Variants in CSPG4 observed in about 807,000 individuals in gnomAD.
CSPG4 encodes the protein chondroitin sulfate proteoglycan 4.
In CSPG4, 74 loss-of-function variants were observed where a neutral mutation model predicts 139.3. The ratio of observed to expected loss-of-function variants is 0.53; its 90% CI spans 0.44 to 0.64. CSPG4 has a LOEUF of 0.64. Ranked by LOEUF, CSPG4 falls within the 30% of genes least tolerant of loss-of-function variation. The pLI, the probability that CSPG4 is intolerant of heterozygous loss-of-function variation, is 0.00. For synonymous variants in CSPG4, 1,234 were observed against 1,394.2 expected (o/e 0.89, Z 2.56); for missense variants, 2,565 against 3,148.3 (o/e 0.81, Z 4.43).
rs767839720 is a variant in CSPG4 at position 75,676,469 on chromosome 15, A to G, written c.6050T>C (p.Phe2017Ser). The change falls in exon 10 of 10, where the codon TTC becomes TCC. Residue 2017 changes from phenylalanine (F) to serine (S), a missense_variant. Phe to Ser is a radical substitution (Grantham distance 155, BLOSUM62 -2). Around this residue, in one of 5 missense-constraint regions of CSPG4, gnomAD observed 2,316 missense variants for 2,818.2 expected, o/e 0.82. Transcript: ENST00000308508. ...QGEVVFAFTN[F>S]SSSHDHFRVL... Reference sequence around the variant, plus strand: ...TCTGAAGTGGTCATGAGAGGAGGAGAAGTTGGTGAAGGCAAAGACCACCTC... The same window carrying G: ...TCTGAAGTGGTCATGAGAGGAGGAGGAGTTGGTGAAGGCAAAGACCACCTC... The G allele has an allele frequency of 1.9e-6, 3 of 1,613,816 alleles. No individual in the cohort carries two copies. The highest frequency in any genetic ancestry group is 2.5e-6 in the Non-Finnish European group (3 of 1,179,950).
At chr15:75,692,591 A>G (rs11072556) in intron 2 of CSPG4, among the ~76,000 whole-genome samples, 66,124 of 151,886 alleles carry the variant, frequency 0.44, 13,730 homozygotes, top group Middle Eastern at 0.53. Flanking sequence ...TGGACAGACC[A>G]TGGTGCTGCA....
At chr15:75,701,147 T>C (rs535575208) in intron 1 of CSPG4, among the ~76,000 whole-genome samples, 21 of 152,276 alleles carry the variant, frequency 1.4e-4, no homozygotes, top group African/African-American at 5.1e-4. Context: ...GTGGGTACAG[T>C]AGAGCCACCT....
Position 75,676,213 on chromosome 15 carries a change from C to T in CSPG4, c.6306G>A (p.Thr2102=), listed in dbSNP as rs200385917. The T allele has an allele frequency of 5.2e-5, 81 of 1,551,388 alleles. 1 individual carries two copies. The East Asian group carries it at 1.5e-3, about 29-fold the overall frequency. Reference sequence around the variant, plus strand: ...CCACCAGCTGGCTGCCCCCGGGCTCCGTCCTGGCTCGGGGCACGCGGACCA... The same window carrying T: ...CCACCAGCTGGCTGCCCCCGGGCTCTGTCCTGGCTCGGGGCACGCGGACCA... ...GRVVRVPRAR[T]EPGGSQLVEQ... is the part of the protein sequence containing the mutation. The change falls in exon 10 of 10, where the codon ACG becomes ACA. Residue 2102 remains threonine, a synonymous_variant. Transcript: ENST00000308508.
intron 9 of CSPG4, 128 bp downstream of exon 9, chr15:75,677,575 C>T: frequency 2.4e-6 from 3 of 1,253,692 alleles, no homozygotes; most frequent in South Asian, 1.5e-5. Context: ...TCCCCACTCA[C>T]CCTCCCTGTG....
chr15:75,682,778 C>T (rs781174070), intron 6 of CSPG4, 37 bp from the exon 7 acceptor site: 70 of 1,608,084 alleles, frequency 4.4e-5, no homozygotes, highest in Non-Finnish European at 5.3e-5. Context: ...TGGCCCGAGC[C>T]GGCTCCCCAT....
At chr15:75,708,223 C>A in intron 1 of CSPG4, among the ~76,000 whole-genome samples, 1 of 110,178 alleles carries the variant, frequency 9.1e-6, no homozygotes, top group Non-Finnish European at 1.9e-5. Context: ...GCTGGCAGAG[C>A]CAGCGGCCTC....
chr15:75,682,393 A>G lies in CSPG4; in HGVS notation c.4850T>C (p.Leu1617Pro), dbSNP rs767261462. 2 of 1,596,430 alleles carry G rather than the reference A, an allele frequency of 1.3e-6. No individual in the cohort carries two copies. The highest frequency in any genetic ancestry group is 1.7e-6 in the Non-Finnish European group (2 of 1,179,492). The part of the protein sequence containing the change: ...ASSSAGTDPQ[L>P]LLYRVVRGPQ... ...GCCCCGCACCACACGGTAGAGCAGG[A>G]GCTGGGGGTCAGTGCCTGCGCTGGA... The change falls in exon 8 of 10, where the codon CTC becomes CCC. Residue 1617 changes from leucine (L) to proline (P), a missense_variant. Leu to Pro is a moderately conservative substitution (Grantham distance 98). Around this residue, in one of 5 missense-constraint regions of CSPG4, gnomAD observed 2,316 missense variants for 2,818.2 expected, o/e 0.82. Coordinates refer to ENST00000308508, the MANE Select transcript of CSPG4 (RefSeq NM_001897.5).
intron 1 of CSPG4, among the ~76,000 whole-genome samples, chr15:75,704,907 C>G (rs1023306687): frequency 6.6e-6 from 1 of 152,216 alleles, no homozygotes; most frequent in Non-Finnish European, 1.5e-5. Context: ...TCCCACGTCC[C>G]TGGGCCCTGG....
intron 1 of CSPG4, among the ~76,000 whole-genome samples, chr15:75,693,661 G>A (rs1894192901): frequency 6.6e-6 from 1 of 152,228 alleles, no homozygotes; most frequent in Admixed American, 6.5e-5. Flanking sequence ...AAGGAATGGA[G>A]TTTCTGGAGA....
At chr15:75,709,840 G>T (rs1312624999) in intron 1 of CSPG4, among the ~76,000 whole-genome samples, 2 of 152,042 alleles carry the variant, frequency 1.3e-5, no homozygotes, top group Non-Finnish European at 2.9e-5. Flanking sequence ...GGCCCTTCTT[G>T]TCCTGCCCGG....
chr15:75,700,742 G>C (rs960709608), intron 1 of CSPG4, among the ~76,000 whole-genome samples: 1 of 152,158 alleles, frequency 6.6e-6, no homozygotes, highest in African/African-American at 2.4e-5. Context: ...GCGTCTCGGG[G>C]CTTCCCCAGC....
At chr15:75,702,264 T>C (rs1411419417) in intron 1 of CSPG4, among the ~76,000 whole-genome samples, 3 of 152,360 alleles carry the variant, frequency 2.0e-5, no homozygotes, top group African/African-American at 2.4e-5. Flanking sequence ...ACTGACTCCG[T>C]GCACACCTAG....
chr15:75,697,052 C>T (rs973104071), intron 1 of CSPG4, among the ~76,000 whole-genome samples: 1 of 152,210 alleles, frequency 6.6e-6, no homozygotes, highest in Non-Finnish European at 1.5e-5. Flanking sequence ...CCCATCAGGC[C>T]CGCCTCCCCC....
At chr15:75,686,144 G>C (rs571047724) in intron 3 of CSPG4, among the ~76,000 whole-genome samples, 3 of 152,190 alleles carry the variant, frequency 2.0e-5, no homozygotes, top group Non-Finnish European at 4.4e-5. Flanking sequence ...ACGGTTGCAG[G>C]GGGTCGGTCA....
chr15:75,688,251 C>A lies in CSPG4; in HGVS notation c.2814G>T (p.Glu938Asp). 1 of 1,612,926 alleles carries A rather than the reference C, an allele frequency of 6.2e-7. No homozygotes were observed. The highest frequency in any genetic ancestry group is 2.2e-5 in the East Asian group (1 of 44,886). Residue 938 changes from glutamate (E) to aspartate (D), a missense_variant, in exon 3 of 10, where the codon GAG becomes GAT. Coordinates refer to ENST00000308508, the MANE Select transcript of CSPG4 (RefSeq NM_001897.5). ...AAGCCAACCTCCCATGGCGGGGCCG[C>A]TCCATGACCTCATAGAGGTAGCTGG... ...NSASYLYEVM[E>D]RPRHGRLAWR...
At chr15:75,678,024 T>C in intron 8 of CSPG4, 138 bp from the exon 9 acceptor site, 1 of 715,952 alleles carries the variant, frequency 1.4e-6, no homozygotes, top group Non-Finnish European at 2.2e-6. Flanking sequence ...GCTGTCTCCC[T>C]CACTAACTCA....
In CSPG4 at chr15:75,676,912, C is replaced by G. The variant is rs1221127159; in HGVS notation, c.5607G>C (p.Glu1869Asp). The G allele has an allele frequency of 1.3e-6, 2 of 1,571,904 alleles. No individual in the cohort carries two copies. The highest frequency in any genetic ancestry group is 1.7e-6 in the Non-Finnish European group (2 of 1,159,590). The change falls in exon 10 of 10, where the codon GAG becomes GAC. Residue 1869 changes from glutamate (E) to aspartate (D), a missense_variant. Physicochemically the swap from Glu to Asp is conservative, Grantham distance 45. Coordinates refer to ENST00000308508, the MANE Select transcript of CSPG4 (RefSeq NM_001897.5). ...TGTGGGGTGCCCGCTGGACCTCGTA[C>G]TCAATCTCCCCAGGAGCTGAGTCTG... ...VDPDSAPGEI[E>D]YEVQRAPHNG...
Position 75,710,019 on chromosome 15 carries a change from C to T in CSPG4, c.88+2649G>A, listed in dbSNP as rs376143604. Among the ~76,000 whole-genome samples the T allele has an allele frequency of 4.2e-4, 64 of 152,004 alleles. No individual in the cohort carries two copies. The East Asian group carries it at 8.0e-3, about 19-fold the overall frequency. ...GCTCAGTGCCTGTCCCGAGCACCAT[C>T]GGTCCCCCCAAGCCATCCTCAGAGG... On this transcript the variant is annotated intron_variant, in intron 1 of 9. Transcript: ENST00000308508.
rs998658047 is a variant in CSPG4, at chr15:75,702,581, C to G, written c.89-9348G>C. On this transcript the variant is annotated intron_variant, in intron 1 of 9. Coordinates refer to ENST00000308508, the MANE Select transcript of CSPG4 (RefSeq NM_001897.5). ...CAGTGGGAGGGGCTGCCTCTGGGAG[C>G]TCGCCCCAGCCCTCCCCACCTTGTC... is the stretch of plus-strand genomic sequence containing the variant. Among the ~76,000 whole-genome samples, 14 of 152,272 alleles carry G rather than the reference C, an allele frequency of 9.2e-5. No homozygotes were observed. In the East Asian group the frequency reaches 2.7e-3, roughly 30 times the overall value.
Sources: gnomAD v4.1 joint callset for allele counts (sites outside exome capture counted in the v4.1 genomes callset) on GRCh38, gnomAD v4.1.1 for gene constraint, gnomAD v4.1.1 regional missense constraint, MANE v1.5 for transcripts, NCBI Gene and HGNC (gene_info 2026-07-23, HGNC 2026-07-21) for gene names.